Variants in GPA33 observed in about 807,000 individuals in gnomAD.
The protein encoded by GPA33 is cell surface A33 antigen.
GPA33 carries 27 observed loss-of-function variants against 35.6 expected under a neutral mutation model. The ratio of observed to expected loss-of-function variants is 0.76; its 90% CI spans 0.56 to 1.04. The LOEUF (loss-of-function observed/expected upper bound fraction) is 1.04, where lower values mean the gene tolerates loss of function less well. GPA33 is among the 50% of genes least tolerant of loss of function. The pLI is 0.00. For synonymous variants in GPA33, 176 were observed against 164.0 expected (o/e 1.07, Z -0.56); for missense variants, 428 against 411.9 (o/e 1.04, Z -0.34).
intron 1 of GPA33, among the ~76,000 whole-genome samples, chr1:167,076,336 G>A (rs1015231529): frequency 1.3e-5 from 2 of 152,126 alleles, no homozygotes; most frequent in African/African-American, 4.8e-5. Context: ...GTAACAGGAT[G>A]TGGCTAAAGG....
intron 3 of GPA33, among the ~76,000 whole-genome samples, chr1:167,067,825 G>A (rs919097150): frequency 2.0e-5 from 3 of 152,142 alleles, no homozygotes; most frequent in African/African-American, 7.2e-5. Flanking sequence ...TTTATAACAT[G>A]ATTCCATTTT....
At chr1:167,083,532 A>G (rs1272807676) in intron 1 of GPA33, among the ~76,000 whole-genome samples, 1 of 152,262 alleles carries the variant, frequency 6.6e-6, no homozygotes, top group Non-Finnish European at 1.5e-5. Flanking sequence ...GGGCAGGGAC[A>G]GATGCAGTTG....
intron 4 of GPA33, among the ~76,000 whole-genome samples, chr1:167,061,276 T>C (rs1666433347): frequency 6.6e-6 from 1 of 152,208 alleles, no homozygotes; most frequent in South Asian, 2.1e-4. Context: ...TATAAAGCTA[T>C]TATAGCATCT....
At chr1:167,058,866 A>G (rs1666369235) in intron 4 of GPA33, among the ~76,000 whole-genome samples, 1 of 152,224 alleles carries the variant, frequency 6.6e-6, no homozygotes, top group Admixed American at 6.5e-5. Flanking sequence ...TGTGGTATTC[A>G]TGCTCTCATT....
At chr1:167,081,868 TGA>T (rs1192322946) in intron 1 of GPA33, among the ~76,000 whole-genome samples, 2 of 152,224 alleles carry the variant, frequency 1.3e-5, no homozygotes, top group African/African-American at 4.8e-5. Context: ...GTGTCTACAC[TGA>T]GCTGGGTCCT....
chr1:167,074,612 T>C (rs1339734527), intron 1 of GPA33, among the ~76,000 whole-genome samples: 1 of 152,098 alleles, frequency 6.6e-6, no homozygotes, highest in Non-Finnish European at 1.5e-5. Flanking sequence ...GAATAGATGC[T>C]TGGCACAGAG....
chr1:167,084,839 G>A (rs1019885719), intron 1 of GPA33, among the ~76,000 whole-genome samples: 1 of 152,196 alleles, frequency 6.6e-6, no homozygotes, highest in Non-Finnish European at 1.5e-5. Context: ...GATTATTATT[G>A]TTTTAAGTCA....
At chr1:167,055,943 C>A in intron 4 of GPA33, 94 bp from the exon 5 acceptor site, 2 of 1,310,752 alleles carry the variant, frequency 1.5e-6, no homozygotes, top group Non-Finnish European at 1.1e-6. Flanking sequence ...GAAGCACAAC[C>A]TCTGCCACTG....
In GPA33 at chr1:167,069,042, C is replaced by T. The variant is rs774038220; in HGVS notation, c.295G>A (p.Asp99Asn). ...VSISNNAEQSDASITIDQLTM... is the reference protein window; with the variant it reads ...VSISNNAEQSNASITIDQLTM... ...AGCTGATCAATGGTGATGGAGGCAT[C>T]GGACTGCTCAGCATTGTTGGATATG... is the stretch of plus-strand genomic sequence containing the variant. The change falls in exon 3 of 7, where the codon GAT (aspartate) becomes AAT (asparagine). Residue 99 changes from aspartate to asparagine, a missense_variant. Physicochemically the swap from Asp to Asn is conservative, Grantham distance 23 (BLOSUM62 1). Transcript: ENST00000367868. 2.1e-5 allele frequency: 34 copies of T among 1,613,388 alleles called. No individual in the cohort carries two copies. The highest frequency in any genetic ancestry group is 1.3e-4 in the Admixed American group (8 of 60,010).
At chr1:167,073,620 G>A (rs534378690) in intron 1 of GPA33, 81 bp from the exon 2 acceptor site, 6 of 1,268,190 alleles carry the variant, frequency 4.7e-6, no homozygotes, top group East Asian at 5.0e-5. Context: ...GGACCACTGA[G>A]GGAATGTCCA....
intron 2 of GPA33, among the ~76,000 whole-genome samples, chr1:167,071,296 T>C (rs1336133207): frequency 6.6e-6 from 1 of 152,202 alleles, no homozygotes; most frequent in Non-Finnish European, 1.5e-5. Context: ...TGAAATAAGA[T>C]GGCTGAATGA....
chr1:167,066,461 A>G (rs1377825927), intron 3 of GPA33, among the ~76,000 whole-genome samples: 3 of 152,126 alleles, frequency 2.0e-5, no homozygotes, highest in Admixed American at 2.0e-4. Context: ...TTAGGGCGGA[A>G]TGTGTCAGTT....
intron 3 of GPA33, among the ~76,000 whole-genome samples, chr1:167,064,858 G>A (rs1666555015): frequency 1.3e-5 from 2 of 152,142 alleles, no homozygotes; most frequent in African/African-American, 4.8e-5. Flanking sequence ...CGGACCCACA[G>A]GCAGCAGTAA....
At chr1:167,064,153 A>G (rs1379667776) in intron 3 of GPA33, among the ~76,000 whole-genome samples, 1 of 152,128 alleles carries the variant, frequency 6.6e-6, no homozygotes, top group Non-Finnish European at 1.5e-5. Flanking sequence ...CCGTGGTGGC[A>G]CCCACCTATA....
chr1:167,054,270 G>A lies in GPA33; in HGVS notation c.*64C>T. ...GAGAACAGGGCTTAGAAAGGAGAAG[G>A]GAGGCCAGGAAGCGGGAGAATGAAC... On this transcript the variant is annotated 3_prime_UTR_variant, in exon 7 of 7. Coordinates refer to ENST00000367868, the MANE Select transcript of GPA33 (RefSeq NM_005814.3). 1 of 1,592,082 alleles carries A rather than the reference G, an allele frequency of 6.3e-7. No homozygotes were observed. Among genetic ancestry groups the A allele is most frequent in the South Asian group, 1.1e-5 (1 of 89,854 alleles).
rs1488433873 is a variant in GPA33 at position 167,054,355 on chromosome 1, G to T, written c.939C>A (p.Ser313=). 6.2e-7 allele frequency: 1 copy of T among 1,614,046 alleles called. No homozygotes were observed. Among genetic ancestry groups the T allele is most frequent in the South Asian group, 1.1e-5 (1 of 91,080 alleles). The change falls in exon 7 of 7, where the codon TCC becomes TCA. Residue 313 remains serine, a synonymous_variant. Coordinates refer to ENST00000367868, the MANE Select transcript of GPA33 (RefSeq NM_005814.3). ...QEEQRSTGRE[S]PDHLDQ ...CCTGTCACTGGTCGAGGTGGTCCGG[G>T]GATTCACGCCCAGTGCTCCTCTGCT...
intron 1 of GPA33, among the ~76,000 whole-genome samples, chr1:167,079,157 T>C (rs1666878006): frequency 6.6e-6 from 1 of 151,822 alleles, no homozygotes; most frequent in South Asian, 2.1e-4. Flanking sequence ...ATTAGACCTG[T>C]GAAGGAAGAA....
In GPA33 at chr1:167,063,780, G is replaced by C. The variant is rs559822945; in HGVS notation, c.416-43C>G. 64 of 1,577,182 alleles carry C rather than the reference G, an allele frequency of 4.1e-5. No individual in the cohort carries two copies. The South Asian group carries it at 6.7e-4, about 16-fold the overall frequency. ...CAAAGAGAAGGCATGAGGCAGGTGG[G>C]GCTTGGTGACAGCCACCCACCCCTC... On this transcript the variant is annotated intron_variant, in intron 3 of 6. Transcript: ENST00000367868.
At chr1:167,056,794 C>T (rs1239618474) in intron 4 of GPA33, among the ~76,000 whole-genome samples, 153 of 2,542 alleles carry the variant, frequency 0.06, 2 homozygotes, top group Non-Finnish European at 0.067. Flanking sequence ...TAGTGTGGTG[C>T]GTGTGGTGTG....
Sources: gnomAD v4.1 joint callset for allele counts (sites outside exome capture counted in the v4.1 genomes callset) on GRCh38, gnomAD v4.1.1 for gene constraint, MANE v1.5 for transcripts, NCBI Gene and HGNC (gene_info 2026-07-23, HGNC 2026-07-21) for gene names.